The following ARHGAP23 variants were observed in gnomAD, a reference collection of about 807,000 sequenced individuals.
The protein encoded by ARHGAP23 is Rho GTPase activating protein 23, also known as rho GTPase-activating protein 23.
ARHGAP23 carries 34 observed loss-of-function variants against 136.3 expected under a neutral mutation model. The observed-to-expected ratio is 0.25, with a 90% CI of 0.19 to 0.33. ARHGAP23 has a LOEUF of 0.33. Ranked by LOEUF, ARHGAP23 falls within the 10% of genes least tolerant of loss-of-function variation. The probability of loss-of-function intolerance (pLI) is 1.00; values close to 1 mark genes in which losing one functional copy is unlikely to be tolerated. For missense variants in ARHGAP23, 1,808 were observed against 2,139.0 expected, an observed-to-expected ratio of 0.85 and a Z score of 3.05; for synonymous variants, 832 against 920.5, an observed-to-expected ratio of 0.90 and a Z score of 1.74.
chr17:38,428,566 G>A lies in ARHGAP23; in HGVS notation c.63+18G>A. 7.1e-7 allele frequency: 1 copy of A among 1,407,144 alleles called. No individual in the cohort carries two copies. Among genetic ancestry groups the A allele is most frequent in the Non-Finnish European group, 9.3e-7 (1 of 1,080,930 alleles). The allele number at this position is 1,407,144 out of a possible 1,614,324, so 87.2% of individuals were successfully genotyped here. A position where few individuals can be genotyped will look rare whatever the true frequency, so the allele number is the denominator to read the frequency against. ...CCCCACAGGTGAGGGTGCTGGGCCA[G>A]GGAAGTGGGCGGGGCCGGTAGCTGC... On this transcript the variant is annotated intron_variant, in intron 1 of 23. Coordinates refer to ENST00000622683, the MANE Select transcript of ARHGAP23 (RefSeq NM_001199417.2).
intron 1 of ARHGAP23, among the ~76,000 whole-genome samples, chr17:38,456,532 G>A (rs1335478159): frequency 1.3e-5 from 2 of 152,236 alleles, no homozygotes; most frequent in East Asian, 3.8e-4. Context: ...GGAGTAAGGA[G>A]TGTTGGTGGT....
intron 1 of ARHGAP23, among the ~76,000 whole-genome samples, chr17:38,455,869 C>T (rs930970051): frequency 2.6e-5 from 4 of 152,218 alleles, no homozygotes; most frequent in Non-Finnish European, 5.9e-5. Context: ...CTGGGCTCCC[C>T]AGGCCCCCAT....
At chr17:38,504,085 T>C (rs556940010) in intron 23 of ARHGAP23, among the ~76,000 whole-genome samples, 1 of 152,250 alleles carries the variant, frequency 6.6e-6, no homozygotes, top group African/African-American at 2.4e-5. Flanking sequence ...GCAGGGGAGC[T>C]GGTTAGGTGG....
rs2040779030 is a variant in ARHGAP23, at chr17:38,512,302, T to C, written c.*1330T>C. The stretch of plus-strand genomic sequence containing the variant: ...TCACTGTGTCCTTGACACACCTCTC[T>C]GGCAACAACTAAAATTTCCTGCTTC... On this transcript the variant is annotated 3_prime_UTR_variant, in exon 24 of 24. Coordinates refer to ENST00000622683, the MANE Select transcript of ARHGAP23 (RefSeq NM_001199417.2). 6.6e-6 allele frequency: 1 copy of C among 152,240 alleles called. No individual in the cohort carries two copies. Among genetic ancestry groups the C allele is most frequent in the Non-Finnish European group, 1.5e-5 (1 of 68,042 alleles). The allele number at this position is 152,240 out of a possible 1,614,324, so 9.4% of individuals were successfully genotyped here. A position where few individuals can be genotyped will look rare whatever the true frequency, so the allele number is the denominator to read the frequency against.
upstream of ARHGAP23, among the ~76,000 whole-genome samples, chr17:38,424,547 C>A (rs1289754528): frequency 6.6e-6 from 1 of 152,128 alleles, no homozygotes; most frequent in African/African-American, 2.4e-5. Context: ...CTCTGCCTAC[C>A]CCCAAGCCAG....
chr17:38,428,437 G>A (rs9912941), upstream of ARHGAP23: 266,420 of 1,251,170 alleles, frequency 0.21, 29,984 homozygotes, highest in Middle Eastern at 0.25. Flanking sequence ...CCGGGTCCCT[G>A]CCGGCGCCCC....
In ARHGAP23 at chr17:38,467,110, G is replaced by A. The variant is rs528720455; in HGVS notation, c.1427G>A (p.Arg476Gln). 8.0e-5 allele frequency: 124 copies of A among 1,550,332 alleles called. No homozygotes were observed. Among genetic ancestry groups the A allele is most frequent in the Admixed American group, 6.9e-4 (35 of 50,990 alleles). Residue 476 changes from arginine (R) to glutamine (Q), a missense_variant, in exon 7 of 24, where the codon CGG becomes CAG. Coordinates refer to ENST00000622683, the MANE Select transcript of ARHGAP23 (RefSeq NM_001199417.2). ...GTTGTACGGCCGGAACCCAGCACCC[G>A]GGCCCTGGAGCCTCCTGCGGAGGAT... ...PRVVRPEPST[R>Q]ALEPPAEDRG...
intron 1 of ARHGAP23, among the ~76,000 whole-genome samples, chr17:38,422,535 C>T (rs2038529522): frequency 6.6e-6 from 1 of 152,154 alleles, no homozygotes; most frequent in South Asian, 2.1e-4. Context: ...TTCAGAGTGG[C>T]AGGGGTGGAT....
chr17:38,449,564 G>A (rs2039112505), intron 1 of ARHGAP23, among the ~76,000 whole-genome samples: 2 of 152,368 alleles, frequency 1.3e-5, no homozygotes, highest in African/African-American at 2.4e-5. Context: ...GCCCTTGACT[G>A]AGGAGACTGG....
chr17:38,458,795 G>A (rs1369147578), intron 2 of ARHGAP23, among the ~76,000 whole-genome samples: 2 of 152,344 alleles, frequency 1.3e-5, no homozygotes, highest in East Asian at 1.9e-4. Flanking sequence ...GGACACAGGA[G>A]CCCAGAGTTC....
intron 11 of ARHGAP23, among the ~76,000 whole-genome samples, chr17:38,473,553 G>A (rs2039815350): frequency 6.6e-6 from 1 of 152,182 alleles, no homozygotes; most frequent in Non-Finnish European, 1.5e-5. Context: ...TGGAGGTTCT[G>A]GGGAGTTAGT....
At chr17:38,486,450 G>A (rs1278582003) in intron 17 of ARHGAP23, among the ~76,000 whole-genome samples, 1 of 151,022 alleles carries the variant, frequency 6.6e-6, no homozygotes, top group Non-Finnish European at 1.5e-5. Flanking sequence ...GCTCAGACTG[G>A]TGTTGCACTC....
chr17:38,422,152 C>T (rs4795276), intron 1 of ARHGAP23, among the ~76,000 whole-genome samples: 2 of 152,178 alleles, frequency 1.3e-5, no homozygotes. Context: ...CATCAGACTT[C>T]GGCTAGAATC....
rs1460196284 is a variant in ARHGAP23, at chr17:38,511,035, T to G, written c.*63T>G. 7.3e-7 allele frequency: 1 copy of G among 1,362,776 alleles called. No individual in the cohort carries two copies. The allele number at this position is 1,362,776 out of a possible 1,614,324, so 84.4% of individuals were successfully genotyped here. A position where few individuals can be genotyped will look rare whatever the true frequency, so the allele number is the denominator to read the frequency against. The stretch of plus-strand genomic sequence containing the variant: ...TAGAGCCCCTTTGGAACCAGGAGGC[T>G]TCACCAGCCTGCACCTCCTCTTCTG... On this transcript the variant is annotated 3_prime_UTR_variant, in exon 24 of 24. Coordinates refer to ENST00000622683, the MANE Select transcript of ARHGAP23 (RefSeq NM_001199417.2).
At chr17:38,506,590 T>TAG (rs1443928208) in intron 23 of ARHGAP23, among the ~76,000 whole-genome samples, 2 of 152,192 alleles carry the variant, frequency 1.3e-5, no homozygotes, top group Admixed American at 6.5e-5. Flanking sequence ...GCCTGTCTTG[T>TAG]AGATGGTAGA....
chr17:38,498,964 G>A lies in ARHGAP23; in HGVS notation c.3415+454G>A, dbSNP rs550804379. ...GTTGGAGATTTAAAGGGTACAGTGC[G>A]GTGTCGCGGCCTCGGTCACTAACAG... is the stretch of plus-strand genomic sequence containing the variant. On this transcript the variant is annotated intron_variant, in intron 22 of 23. Coordinates refer to ENST00000622683, the MANE Select transcript of ARHGAP23 (RefSeq NM_001199417.2). The A allele has an allele frequency of 2.4e-4, 166 of 699,022 alleles. 1 individual carries two copies. The highest frequency in any genetic ancestry group is 3.5e-4 in the East Asian group (13 of 37,156). 43.3% of individuals were successfully genotyped at this position (699,022 alleles called of 1,614,324 possible).
chr17:38,436,512 G>T lies in ARHGAP23; in HGVS notation c.63+7964G>T, dbSNP rs1017548292. On this transcript the variant is annotated intron_variant, in intron 1 of 23. Coordinates refer to ENST00000622683, the MANE Select transcript of ARHGAP23 (RefSeq NM_001199417.2). ...AGGGCTTGGGAAAGTCCGCCAGTGG[G>T]CTGGAGCCGAATCGAACCCACTGTC... is the stretch of plus-strand genomic sequence containing the variant. Among the ~76,000 whole-genome samples, 3 of 152,228 alleles carry T rather than the reference G, an allele frequency of 2.0e-5. No individual in the cohort carries two copies. The South Asian group carries it at 6.2e-4, about 31-fold the overall frequency.
At chr17:38,435,059 G>A (rs2038766036) in intron 1 of ARHGAP23, among the ~76,000 whole-genome samples, 1 of 152,330 alleles carries the variant, frequency 6.6e-6, no homozygotes, top group African/African-American at 2.4e-5. Context: ...GCTTCAGCTG[G>A]AGGAATATCA....
intron 10 of ARHGAP23, among the ~76,000 whole-genome samples, chr17:38,470,368 TG>T (rs1240805596): frequency 6.6e-6 from 1 of 152,230 alleles, no homozygotes; most frequent in Non-Finnish European, 1.5e-5. Flanking sequence ...GGGCTTCATT[TG>T]TTTCCTTCAC....
Sources: allele counts gnomAD v4.1 joint callset (sites outside exome capture counted in the v4.1 genomes callset), GRCh38; gene constraint gnomAD v4.1.1; transcripts MANE v1.5; gene names NCBI Gene and HGNC (gene_info 2026-07-23, HGNC 2026-07-21).